The following C10orf88 variants were observed in gnomAD, a reference collection of about 807,000 sequenced individuals.
C10orf88 encodes the protein ATPase PAAT.
A neutral mutation model predicts 34.2 loss-of-function variants in C10orf88; 29 were observed. The ratio of observed to expected loss-of-function variants is 0.85; its 90% CI spans 0.63 to 1.16. C10orf88 has a LOEUF of 1.16. Among genes scored for constraint, C10orf88 ranks in the 50% most tolerant of loss-of-function variants. The probability of loss-of-function intolerance (pLI) is 0.00; values close to 1 mark genes in which losing one functional copy is unlikely to be tolerated. For missense variants in C10orf88, 507 were observed against 533.2 expected, an observed-to-expected ratio of 0.95 and a Z score of 0.48; for synonymous variants, 194 against 197.4, an observed-to-expected ratio of 0.98 and a Z score of 0.15.
At chr10:122,953,062 C>T (rs368486675) in intron 1 of C10orf88, 30 bp from the exon 2 acceptor site, 19 of 1,522,362 alleles carry the variant, frequency 1.2e-5, no homozygotes, top group Non-Finnish European at 1.7e-5. Context: ...AAACATCACA[C>T]AGTATAGTTC....
At chr10:122,947,967 TCTCCTTGTAGTCTCA>T (rs1169188170) in intron 4 of C10orf88, among the ~76,000 whole-genome samples, 1 of 152,134 alleles carries the variant, frequency 6.6e-6, no homozygotes, top group Non-Finnish European at 1.5e-5. Context: ...CAGCTCATCT[TCTCCTTGTAGTCTCA>T]CTTTCTTCAG....
At chr10:122,951,835 GA>G (rs1170994213) in intron 3 of C10orf88, 118 bp downstream of exon 3, 2,506 of 586,008 alleles carry the variant, frequency 4.3e-3, no homozygotes, top group Middle Eastern at 6.9e-3. Context: ...GTCTTGAAAA[GA>G]AAAAAAAAAG....
At chr10:122,953,151 C>G in intron 1 of C10orf88, 119 bp from the exon 2 acceptor site, 5 of 776,990 alleles carry the variant, frequency 6.4e-6, no homozygotes, top group Non-Finnish European at 1.1e-5. Flanking sequence ...CATCTCGGCT[C>G]ACTGCACGCT....
chr10:122,938,955 A>C, intron 4 of C10orf88, among the ~76,000 whole-genome samples: 1 of 152,018 alleles, frequency 6.6e-6, no homozygotes, highest in East Asian at 1.9e-4. Flanking sequence ...TCTAAATTCA[A>C]AACATAAAAG....
intron 4 of C10orf88, among the ~76,000 whole-genome samples, chr10:122,945,053 T>C (rs1848626508): frequency 6.6e-6 from 1 of 150,534 alleles, no homozygotes; most frequent in Non-Finnish European, 1.5e-5. Context: ...TATATATATG[T>C]ATATAGATAT....
chr10:122,944,212 C>T (rs1008986571), intron 4 of C10orf88, among the ~76,000 whole-genome samples: 5 of 151,816 alleles, frequency 3.3e-5, no homozygotes, highest in Non-Finnish European at 5.9e-5. Context: ...ATGGTGAGTT[C>T]ATGTCCTTTG....
intron 4 of C10orf88, among the ~76,000 whole-genome samples, chr10:122,941,278 A>C (rs1848578856): frequency 6.6e-6 from 1 of 152,176 alleles, no homozygotes; most frequent in Admixed American, 6.6e-5. Context: ...AAGCAAAAGC[A>C]AATCAAAGCC....
intron 4 of C10orf88, among the ~76,000 whole-genome samples, chr10:122,946,380 T>C (rs549563478): frequency 6.6e-6 from 1 of 152,294 alleles, no homozygotes; most frequent in Admixed American, 6.5e-5. Context: ...CACAAATCCT[T>C]ACCATTATAA....
chr10:122,940,246 G>A (rs1009777444), intron 4 of C10orf88, among the ~76,000 whole-genome samples: 1 of 151,982 alleles, frequency 6.6e-6, no homozygotes, highest in Non-Finnish European at 1.5e-5. Flanking sequence ...TTGAGAAGAA[G>A]GATATTTTGT....
chr10:122,952,129 A>G (rs564486207), intron 2 of C10orf88, 103 bp from the exon 3 acceptor site: 3 of 660,156 alleles, frequency 4.5e-6, no homozygotes, highest in Non-Finnish European at 7.6e-6. Flanking sequence ...AAATCCTAAG[A>G]TTCAGTTTTC....
At chr10:122,943,056 G>C (rs370560806) in intron 4 of C10orf88, among the ~76,000 whole-genome samples, 1 of 149,710 alleles carries the variant, frequency 6.7e-6, no homozygotes, top group Admixed American at 6.7e-5. Flanking sequence ...AAAAGAGCCC[G>C]CATCGCCAAG....
Position 122,952,002 on chromosome 10 carries a change from A to G in C10orf88, c.393T>C (p.Tyr131=). 1.3e-6 allele frequency: 2 copies of G among 1,520,782 alleles called. No homozygotes were observed. Among genetic ancestry groups the G allele is most frequent in the Non-Finnish European group, 1.8e-6 (2 of 1,104,492 alleles). 94.2% of individuals were successfully genotyped at this position (1,520,782 alleles called of 1,614,324 possible). ...DDSEHEKIIL[Y]KKNLKLESST... ...AGGACTCCAATTTTAGATTTTTTTT[A>G]TACAAAATGATCTTTTCATGTTCAC... The change falls in exon 3 of 6, where the codon TAT becomes TAC. Residue 131 remains tyrosine (Y), a synonymous_variant. Coordinates refer to ENST00000481909, the MANE Select transcript of C10orf88 (RefSeq NM_024942.4).
rs554251275 is a variant in C10orf88 at position 122,950,867 on chromosome 10, T to C, written c.441+1087A>G. On this transcript the variant is annotated intron_variant, in intron 3 of 5. Coordinates refer to ENST00000481909, the MANE Select transcript of C10orf88 (RefSeq NM_024942.4). Reference sequence around the variant, plus strand: ...TATCCAAAACAACATCTTGGGATAATCAGTCCTGTGAGTTTGCTATCTGCC... The same window carrying C: ...TATCCAAAACAACATCTTGGGATAACCAGTCCTGTGAGTTTGCTATCTGCC... Among the ~76,000 whole-genome samples, 4 of 152,358 alleles carry C rather than the reference T, an allele frequency of 2.6e-5. No individual in the cohort carries two copies. In the South Asian group the frequency reaches 8.3e-4, roughly 32 times the overall value.
intron 4 of C10orf88, among the ~76,000 whole-genome samples, chr10:122,940,576 A>T (rs1036418076): frequency 2.0e-5 from 3 of 152,172 alleles, no homozygotes; most frequent in Admixed American, 6.6e-5. Context: ...ACCACAATTT[A>T]AAAAAGGTCA....
chr10:122,950,770 G>A (rs975134735), intron 3 of C10orf88, among the ~76,000 whole-genome samples: 4 of 152,176 alleles, frequency 2.6e-5, no homozygotes, highest in African/African-American at 9.7e-5. Context: ...CTGACATTAA[G>A]AGGCACTCAA....
intron 4 of C10orf88, among the ~76,000 whole-genome samples, chr10:122,943,997 C>T (rs950856675): frequency 4.6e-5 from 7 of 151,812 alleles, no homozygotes; most frequent in African/African-American, 1.2e-4. Context: ...ACTAGAAATA[C>T]CATTTGACCC....
intron 4 of C10orf88, among the ~76,000 whole-genome samples, chr10:122,940,538 G>A (rs1189995744): frequency 1.3e-5 from 2 of 151,996 alleles, no homozygotes; most frequent in Non-Finnish European, 2.9e-5. Flanking sequence ...AATTTGTTAA[G>A]AGGGTAGATC....
In C10orf88 at chr10:122,945,269, T is replaced by C. The variant is rs370431849; in HGVS notation, c.648+3380A>G. On this transcript the variant is annotated intron_variant, in intron 4 of 5. Coordinates refer to ENST00000481909, the MANE Select transcript of C10orf88 (RefSeq NM_024942.4). ...GCAATGTTGGTGTAAACCAACCGAT[T>C]GCACACTGCCAGTCATATAAAAGTA... 4.5e-4 allele frequency among the ~76,000 whole-genome samples: 68 copies of C among 152,314 alleles called. No individual in the cohort carries two copies. The East Asian group carries it at 9.3e-3, about 21-fold the overall frequency.
chr10:122,938,276 TA>T, intron 4 of C10orf88, 117 bp from the exon 5 acceptor site: 2 of 885,276 alleles, frequency 2.3e-6, no homozygotes, highest in Non-Finnish European at 3.4e-6. Flanking sequence ...AACATCCTTA[TA>T]AAGTAGGCCA....
Sources: allele counts gnomAD v4.1 joint callset (sites outside exome capture counted in the v4.1 genomes callset), GRCh38; gene constraint gnomAD v4.1.1; transcripts MANE v1.5; gene names NCBI Gene and HGNC (gene_info 2026-07-23, HGNC 2026-07-21).